The following SCN10A variants were observed in gnomAD, a reference collection of about 807,000 sequenced individuals.
SCN10A encodes the protein sodium voltage-gated channel alpha subunit 10, also known as sodium channel protein type 10 subunit alpha.
Under a neutral mutation model 170.7 loss-of-function variants are expected in SCN10A, and 162 were observed. The ratio of observed to expected loss-of-function variants is 0.95; its 90% CI spans 0.84 to 1.08. SCN10A has a LOEUF of 1.08. Ranked by LOEUF, SCN10A falls within the 50% of genes least tolerant of loss-of-function variation. SCN10A has a pLI of 0.00. For synonymous variants in SCN10A, 985 were observed against 904.6 expected (o/e 1.09, Z -1.59); for missense variants, 2,527 against 2,436.9 (o/e 1.04, Z -0.78).
At chr3:38,742,605 A>G (rs2063646151) in intron 13 of SCN10A, 76 bp from the exon 14 acceptor site, 1 of 1,085,772 alleles carries the variant, frequency 9.2e-7, no homozygotes, top group Admixed American at 1.7e-5. Flanking sequence ...CATCCTCTAG[A>G]CCTTGTTGTT....
intron 5 of SCN10A, among the ~76,000 whole-genome samples, chr3:38,763,935 A>T (rs2063904073): frequency 1.3e-5 from 2 of 152,292 alleles, no homozygotes; most frequent in Non-Finnish European, 1.5e-5. Flanking sequence ...GCCTTTTCTG[A>T]TCCACTGTGA....
chr3:38,762,943 G>T (rs7635325), intron 6 of SCN10A, among the ~76,000 whole-genome samples: 13,908 of 152,196 alleles, frequency 0.091, 942 homozygotes, highest in African/African-American at 0.19. Flanking sequence ...CATGGGGGCT[G>T]AAGAGTAGTC....
intron 7 of SCN10A, 86 bp from the exon 8 acceptor site, chr3:38,760,833 T>C: frequency 9.0e-7 from 1 of 1,111,470 alleles, no homozygotes. Context: ...TATTCCCAAG[T>C]CTTCCAAAGT....
intron 4 of SCN10A, among the ~76,000 whole-genome samples, chr3:38,786,199 T>C (rs1028625091): frequency 2.6e-5 from 4 of 152,122 alleles, no homozygotes; most frequent in African/African-American, 4.8e-5. Context: ...TGTGGCACTA[T>C]TGACAATAGC....
At chr3:38,739,429 G>T in intron 15 of SCN10A, 86 bp downstream of exon 15, 1 of 1,224,474 alleles carries the variant, frequency 8.2e-7, no homozygotes, top group Non-Finnish European at 1.1e-6. Context: ...GAGGAAGGGG[G>T]AGCTGGCTGG....
At chr3:38,808,504 C>T (rs1173251697) in intron 1 of SCN10A, among the ~76,000 whole-genome samples, 1 of 152,226 alleles carries the variant, frequency 6.6e-6, no homozygotes, top group South Asian at 2.1e-4. Context: ...ATATCTTCCT[C>T]TGCTGTATCC....
rs7372672 is a variant in SCN10A, at chr3:38,712,601, G to A, written c.3805-156C>T. Among the ~76,000 whole-genome samples, 6,247 of 152,294 alleles carry A rather than the reference G, an allele frequency of 0.041. 180 individuals carry two copies. Among genetic ancestry groups the A allele is most frequent in the Admixed American group, 0.08 (1,223 of 15,300 alleles). ...TAATTAGTGCAATAATTCAGACTCA[G>A]AAGACTGAGAGACATTGGGCAGCTG... On this transcript the variant is annotated intron_variant, in intron 22 of 27. Coordinates refer to ENST00000449082, the MANE Select transcript of SCN10A (RefSeq NM_006514.4).
intron 4 of SCN10A, among the ~76,000 whole-genome samples, chr3:38,782,359 AC>A (rs1199802535): frequency 6.6e-6 from 1 of 152,012 alleles, no homozygotes; most frequent in East Asian, 1.9e-4. Context: ...CTCTGGAGGC[AC>A]CGTGGTTTAA....
At chr3:38,706,743 T>A (rs2063214913) in intron 26 of SCN10A, among the ~76,000 whole-genome samples, 1 of 152,108 alleles carries the variant, frequency 6.6e-6, no homozygotes, top group East Asian at 1.9e-4. Context: ...TGGCCCTAAT[T>A]TTTGCCCAAT....
intron 14 of SCN10A, among the ~76,000 whole-genome samples, chr3:38,739,944 C>T (rs115776862): frequency 1.2e-4 from 19 of 152,024 alleles, no homozygotes; most frequent in African/African-American, 3.6e-4. Flanking sequence ...GTGGAATAAG[C>T]GGATAGTCTT....
At chr3:38,803,805 A>C (rs1026935103) in intron 1 of SCN10A, among the ~76,000 whole-genome samples, 1 of 152,138 alleles carries the variant, frequency 6.6e-6, no homozygotes, top group Admixed American at 6.6e-5. Flanking sequence ...TATAAAAAAA[A>C]CAAAACCTTT....
At position 38,793,821 on chromosome 3, in the gene SCN10A, G is replaced by A. The variant is rs2126061757; in HGVS notation, c.190C>T (p.Pro64Ser). The change falls in exon 2 of 28, where the codon CCC becomes TCC. Residue 64 changes from proline (P) to serine (S), a missense_variant. By Grantham distance (74) the Pro-to-Ser change is moderately conservative. Transcript: ENST00000449082. ...QLDLKACNQL[P>S]KFYGELPAEL... ...GCTGGGAGCTCACCATAGAACTTGG[G>A]CAGCTGGTTGCAGGCTTTCAAGTCC... is the stretch of plus-strand genomic sequence containing the variant. 1 of 1,613,952 alleles carries A rather than the reference G, an allele frequency of 6.2e-7. No individual in the cohort carries two copies. Among genetic ancestry groups the A allele is most frequent in the East Asian group, 2.2e-5 (1 of 44,848 alleles).
At position 38,789,125 on chromosome 3, in the gene SCN10A, TA is replaced by T. The variant is rs1412499760; in HGVS notation, c.390-90del. 11 of 789,888 alleles carry T rather than the reference TA, an allele frequency of 1.4e-5. No homozygotes were observed. In the East Asian group the frequency reaches 2.8e-4, roughly 20 times the overall value. 48.9% of individuals were successfully genotyped at this position (789,888 alleles called of 1,614,324 possible). A position where few individuals can be genotyped will look rare whatever the true frequency, so the allele number is the denominator to read the frequency against. ...CCTTGATGCTGAATGATTACATTCA[TA>T]AATCTTAGCCAATATTAGCTTTATG... is the stretch of plus-strand genomic sequence containing the variant. On this transcript the variant is annotated intron_variant, in intron 3 of 27. Coordinates refer to ENST00000449082, the MANE Select transcript of SCN10A (RefSeq NM_006514.4).
In SCN10A at chr3:38,702,054, G is replaced by A. The variant is rs1306909087; in HGVS notation, c.4442C>T (p.Thr1481Ile). ...DIVTRQAFDI[T>I]IMVLICLNMI... ...GTTGAGGCAGATGAGGACCATGATG[G>A]TGATGTCAAAAGCTTGTCTGGTCAC... Residue 1481 changes from threonine (T) to isoleucine (I), a missense_variant, in exon 27 of 28, where the codon ACC (threonine) becomes ATC (isoleucine). By Grantham distance (89) the Thr-to-Ile change is moderately conservative (BLOSUM62 -1). Transcript: ENST00000449082. 5.0e-6 allele frequency: 8 copies of A among 1,599,032 alleles called. No homozygotes were observed. The highest frequency in any genetic ancestry group is 2.3e-5 in the South Asian group (2 of 88,280).
At position 38,723,441 on chromosome 3, in the gene SCN10A, C is replaced by G. The variant is rs749417123; in HGVS notation, c.3341G>C (p.Cys1114Ser). 1 of 1,614,160 alleles carries G rather than the reference C, an allele frequency of 6.2e-7. No homozygotes were observed. The highest frequency in any genetic ancestry group is 8.5e-7 in the Non-Finnish European group (1 of 1,179,996). ...GGCTGTCCCTTCACCTTCTGTGAAGCAGTCATCTGGTTCTTCCAGGTCATC... is the reference window on the plus strand; with the variant it reads ...GGCTGTCCCTTCACCTTCTGTGAAGGAGTCATCTGGTTCTTCCAGGTCATC... ...LADDLEEPDDCFTEGCIRHCP... is the reference protein window; with the variant it reads ...LADDLEEPDDSFTEGCIRHCP... The change falls in exon 19 of 28, where the codon TGC (cysteine) becomes TCC (serine). Residue 1114 changes from cysteine to serine, a missense_variant. Cys to Ser is a moderately radical substitution (Grantham distance 112). Transcript: ENST00000449082.
chr3:38,748,310 A>G (rs1205595235), intron 13 of SCN10A, among the ~76,000 whole-genome samples: 2 of 152,214 alleles, frequency 1.3e-5, no homozygotes, highest in Non-Finnish European at 2.9e-5. Flanking sequence ...AATAATTATC[A>G]ATGAGAAAAA....
intron 1 of SCN10A, among the ~76,000 whole-genome samples, chr3:38,801,628 C>T (rs1417220259): frequency 2.0e-5 from 3 of 152,058 alleles, no homozygotes; most frequent in Admixed American, 1.3e-4. Context: ...TTTCAAGGGG[C>T]CTCTGAGAAC....
chr3:38,737,582 T>C (rs1239866910), intron 15 of SCN10A, among the ~76,000 whole-genome samples: 1 of 152,208 alleles, frequency 6.6e-6, no homozygotes, highest in Non-Finnish European at 1.5e-5. Flanking sequence ...CACAGCTGTG[T>C]CTCAGGACAT....
At chr3:38,702,429 T>C (rs1456721394) in intron 26 of SCN10A, among the ~76,000 whole-genome samples, 2 of 152,218 alleles carry the variant, frequency 1.3e-5, no homozygotes, top group Non-Finnish European at 2.9e-5. Flanking sequence ...ATCCATCTCT[T>C]TTAAGCTCCA....
Sources: gnomAD v4.1 joint callset for allele counts (sites outside exome capture counted in the v4.1 genomes callset) on GRCh38, gnomAD v4.1.1 for gene constraint, MANE v1.5 for transcripts, NCBI Gene and HGNC (gene_info 2026-07-23, HGNC 2026-07-21) for gene names.